Variants in CDK13 observed in about 807,000 individuals in gnomAD.
CDK13 encodes cyclin-dependent kinase 13.
Under a neutral mutation model 137.6 loss-of-function variants are expected in CDK13, and 40 were observed. That is an observed-to-expected ratio of 0.29 (90% CI 0.23 to 0.38). The LOEUF (loss-of-function observed/expected upper bound fraction) is 0.38. CDK13 is among the 10% of genes least tolerant of loss of function. The pLI, the probability that CDK13 is intolerant of heterozygous loss-of-function variation, is 1.00. For missense variants in CDK13, 1,704 were observed against 1,951.8 expected, an observed-to-expected ratio of 0.87 and a Z score of 2.39; for synonymous variants, 869 against 760.1, an observed-to-expected ratio of 1.14 and a Z score of -2.36.
Position 39,950,502 on chromosome 7 carries a change from A to G in CDK13, c.-140A>G. The G allele has an allele frequency of 7.9e-7, 1 of 1,263,980 alleles. No individual in the cohort carries two copies. The highest frequency in any genetic ancestry group is 9.9e-7 in the Non-Finnish European group (1 of 1,005,804). The allele number at this position is 1,263,980 out of a possible 1,614,324, so 78.3% of individuals were successfully genotyped here. ...CCCAGGGACCCGAGTCCCGACCCGG[A>G]TTATCGTGGCGCTTTTCCCGGCCGG... is the stretch of plus-strand genomic sequence containing the variant. On this transcript the variant is annotated 5_prime_UTR_variant, in exon 1 of 14. Transcript: ENST00000181839.
chr7:40,026,246 T>TG (rs1388507382), intron 5 of CDK13, among the ~76,000 whole-genome samples: 6 of 152,232 alleles, frequency 3.9e-5, no homozygotes, highest in African/African-American at 1.4e-4. Context: ...CAGTGGCACA[T>TG]GCCTGTAATC....
chr7:40,080,399 A>G (rs189720267), intron 11 of CDK13, among the ~76,000 whole-genome samples: 2 of 152,334 alleles, frequency 1.3e-5, no homozygotes, highest in East Asian at 1.9e-4. Flanking sequence ...ATGAACAGAC[A>G]TGGGCTCTGG....
chr7:40,054,315 C>T (rs942539212), intron 7 of CDK13, among the ~76,000 whole-genome samples: 5 of 152,110 alleles, frequency 3.3e-5, no homozygotes, highest in African/African-American at 1.2e-4. Flanking sequence ...ATATTTTAAG[C>T]AGTTTGAAAG....
At chr7:40,068,511 T>C (rs1416371364) in intron 9 of CDK13, among the ~76,000 whole-genome samples, 1 of 151,540 alleles carries the variant, frequency 6.6e-6, no homozygotes, top group African/African-American at 2.4e-5. Flanking sequence ...CTTGCCAACA[T>C]GGTGAATCCC....
chr7:40,056,494 G>A (rs1237538885), intron 7 of CDK13, among the ~76,000 whole-genome samples: 1 of 152,132 alleles, frequency 6.6e-6, no homozygotes, highest in Non-Finnish European at 1.5e-5. Flanking sequence ...TAGTGTGATT[G>A]GAACAAAAAC....
At chr7:39,972,926 T>C (rs772712650) in intron 1 of CDK13, among the ~76,000 whole-genome samples, 4 of 152,210 alleles carry the variant, frequency 2.6e-5, no homozygotes, top group East Asian at 3.9e-4. Flanking sequence ...CAGCAACATA[T>C]GAGGGTTCCA....
At chr7:39,970,768 A>G (rs1783981011) in intron 1 of CDK13, among the ~76,000 whole-genome samples, 5 of 152,178 alleles carry the variant, frequency 3.3e-5, no homozygotes, top group Admixed American at 3.3e-4. Flanking sequence ...GCCTGTTGTC[A>G]TCTGTTTTAT....
chr7:40,053,882 G>A (rs1785951137), intron 7 of CDK13, among the ~76,000 whole-genome samples: 1 of 152,090 alleles, frequency 6.6e-6, no homozygotes, highest in South Asian at 2.1e-4. Context: ...TGAGATGGAT[G>A]ATGTAGGTAT....
Position 39,987,591 on chromosome 7 carries a change from C to T in CDK13, c.1212-8C>T. The T allele has an allele frequency of 1.3e-6, 2 of 1,563,274 alleles. No individual in the cohort carries two copies. Among genetic ancestry groups the T allele is most frequent in the Non-Finnish European group, 1.7e-6 (2 of 1,159,822 alleles). On this transcript the variant is annotated splice_region_variant and splice_polypyrimidine_tract_variant and intron_variant, in intron 1 of 13. Transcript: ENST00000181839. ...ATTACTGATTAAATCTTAATTATTT[C>T]TCACCAGACGGTCTGGAAAATCCCG...
chr7:39,952,114 C>G (rs1583895889), intron 1 of CDK13: 2 of 368,796 alleles, frequency 5.4e-6, no homozygotes, highest in African/African-American at 2.1e-5. Flanking sequence ...TTAAAAGTTT[C>G]AGACTTGTTG....
At chr7:39,990,335 C>T (rs1271686213) in intron 2 of CDK13, among the ~76,000 whole-genome samples, 1 of 151,372 alleles carries the variant, frequency 6.6e-6, no homozygotes, top group Non-Finnish European at 1.5e-5. Flanking sequence ...ACGGAAGTTT[C>T]TAAAGATTCA....
intron 5 of CDK13, among the ~76,000 whole-genome samples, chr7:40,040,559 T>C (rs1408034909): frequency 6.6e-6 from 1 of 152,180 alleles, no homozygotes; most frequent in South Asian, 2.1e-4. Flanking sequence ...TTGTGAAAAA[T>C]TGGGCTGTGT....
At chr7:39,995,006 A>G (rs76685976) in intron 2 of CDK13, among the ~76,000 whole-genome samples, 5,798 of 151,960 alleles carry the variant, frequency 0.038, 158 homozygotes, top group Non-Finnish European at 0.056. Flanking sequence ...AGTTTCCCAT[A>G]TTAAAACATG....
rs184004145 is a variant in CDK13, at chr7:39,959,968, C to T, written c.1211+8116C>T. 6.6e-5 allele frequency among the ~76,000 whole-genome samples: 10 copies of T among 151,392 alleles called. No homozygotes were observed. The East Asian group carries it at 1.4e-3, about 21-fold the overall frequency. On this transcript the variant is annotated intron_variant, in intron 1 of 13. Coordinates refer to ENST00000181839, the MANE Select transcript of CDK13 (RefSeq NM_003718.5). ...ATTTGTCTCTGTGTGTGTGTGCACA[C>T]GTGTGTTTTAAGTGGTAGTAGTTTC...
chr7:40,071,007 A>T (rs143606065), intron 9 of CDK13: 239 of 152,290 alleles, frequency 1.6e-3, no homozygotes, highest in African/African-American at 5.3e-3. Context: ...CACCCAGTAC[A>T]CACAAACCCT....
At chr7:40,068,707 G>GAAAAAAAAAAAAAAAAAAAAAAAA (rs1158145409) in intron 9 of CDK13, among the ~76,000 whole-genome samples, 1 of 47,082 alleles carries the variant, frequency 2.1e-5, no homozygotes, top group Non-Finnish European at 3.9e-5. Flanking sequence ...CTATGTCTCA[G>GAAAAAAAAAAAAAAAAAAAAAAAA]AAAAAAAAAA....
At chr7:40,047,946 TTATTGA>T (rs1330093080) in intron 7 of CDK13, 69 bp downstream of exon 7, 7 of 922,608 alleles carry the variant, frequency 7.6e-6, no homozygotes, top group Non-Finnish European at 6.9e-6. Context: ...TAAGAATACC[TTATTGA>T]TAGTTTTATT....
rs1226912349 is a variant in CDK13, at chr7:40,003,200, ACACACACTCT to A, written c.2353+1171_2353+1180del. Among the ~76,000 whole-genome samples, 449 of 86,322 alleles carry A rather than the reference ACACACACTCT, an allele frequency of 5.2e-3. 2 individuals are homozygous for A. Among genetic ancestry groups the A allele is most frequent in the Middle Eastern group, 0.011 (2 of 174 alleles). The allele number at this position is 86,322 out of a possible 152,430, so 56.6% of individuals were successfully genotyped here. ...CACACACACACACACACACACACAC[ACACACACTCT>A]CTCTCTCTCTCTCTCTTACTCTGTT... On this transcript the variant is annotated intron_variant, in intron 5 of 13. Coordinates refer to ENST00000181839, the MANE Select transcript of CDK13 (RefSeq NM_003718.5).
At chr7:40,056,414 C>G (rs917153765) in intron 7 of CDK13, among the ~76,000 whole-genome samples, 3 of 152,154 alleles carry the variant, frequency 2.0e-5, no homozygotes, top group Admixed American at 1.3e-4. Context: ...CAGCTCTGTT[C>G]TCTCCCTGGC....
Sources: allele counts gnomAD v4.1 joint callset (sites outside exome capture counted in the v4.1 genomes callset), GRCh38; gene constraint gnomAD v4.1.1; transcripts MANE v1.5; gene names NCBI Gene and HGNC (gene_info 2026-07-23, HGNC 2026-07-21).